Variants in NDUFS1 observed in about 807,000 individuals in gnomAD.
NDUFS1 encodes NADH:ubiquinone oxidoreductase core subunit S1.
NDUFS1 carries 61 observed loss-of-function variants against 84.4 expected under a neutral mutation model. The ratio of observed to expected loss-of-function variants is 0.72; its 90% CI spans 0.59 to 0.89. NDUFS1 has a LOEUF of 0.89. NDUFS1 is among the 40% of genes least tolerant of loss of function. The pLI, the probability that NDUFS1 is intolerant of heterozygous loss-of-function variation, is 0.00. For synonymous variants in NDUFS1, 275 were observed against 290.0 expected (o/e 0.95, Z 0.53); for missense variants, 891 against 890.0 (o/e 1.00, Z -0.01).
chr2:206,119,404 T>C lies in NDUFS1; in HGVS notation c.*4781A>G, dbSNP rs1015368203. The C allele has an allele frequency of 6.6e-6, 1 of 152,166 alleles. No homozygotes were observed. The highest frequency in any genetic ancestry group is 6.6e-5 in the Admixed American group (1 of 15,260). 9.4% of individuals were successfully genotyped at this position (152,166 alleles called of 1,614,324 possible). A position where few individuals can be genotyped will look rare whatever the true frequency, so the allele number is the denominator to read the frequency against. On this transcript the variant is annotated 3_prime_UTR_variant, in exon 19 of 19. Transcript: ENST00000233190. ...AATTGGTACTGGGTATTGTCAAATA[T>C]ATTTTTTAATTTTTACTTTTTTTCA... is the stretch of plus-strand genomic sequence containing the variant.
intron 1 of NDUFS1, among the ~76,000 whole-genome samples, chr2:206,154,880 C>CCCA (rs1373051799): frequency 6.6e-6 from 1 of 151,524 alleles, no homozygotes; most frequent in African/African-American, 2.4e-5. Context: ...ACCTTGACCT[C>CCCA]CCAAAGTGTT....
rs754174573 is a variant in NDUFS1, at chr2:206,118,410, G to C, written c.*5775C>G. On this transcript the variant is annotated 3_prime_UTR_variant, in exon 19 of 19. Coordinates refer to ENST00000233190, the MANE Select transcript of NDUFS1 (RefSeq NM_005006.7). ...GGAGGCTGAGGCAGGTGGATCACTT[G>C]AACTCAGGAGTTTAAGACCAGCCTG... 1.1e-4 allele frequency: 16 copies of C among 152,240 alleles called. No homozygotes were observed. The highest frequency in any genetic ancestry group is 3.9e-4 in the African/African-American group (16 of 41,426). 9.4% of individuals were successfully genotyped at this position (152,240 alleles called of 1,614,324 possible).
At position 206,115,927 on chromosome 2, in the gene NDUFS1, ATGTT is replaced by A; in HGVS notation, c.*8254_*8257del. 1.6e-6 allele frequency: 1 copy of A among 638,652 alleles called. No homozygotes were observed. The highest frequency in any genetic ancestry group is 2.9e-6 in the Non-Finnish European group (1 of 350,274). 39.6% of individuals were successfully genotyped at this position (638,652 alleles called of 1,614,324 possible). A position where few individuals can be genotyped will look rare whatever the true frequency, so the allele number is the denominator to read the frequency against. On this transcript the variant is annotated 3_prime_UTR_variant, in exon 19 of 19. Coordinates refer to ENST00000233190, the MANE Select transcript of NDUFS1 (RefSeq NM_005006.7). ...GGATGTTGTGAAAAAGACACATATT[ATGTT>A]TATCTACAATCATTAGAAAGTTAAA...
At chr2:206,130,350 T>C in intron 14 of NDUFS1, 108 bp from the exon 15 acceptor site, 4 of 1,333,750 alleles carry the variant, frequency 3.0e-6, no homozygotes, top group Non-Finnish European at 3.1e-6. Flanking sequence ...AAACCCATTT[T>C]ATTTTATTTT....
chr2:206,149,110 GAA>G lies in NDUFS1; in HGVS notation c.262-16_262-15del, dbSNP rs34184317. ...AGCAGCTACAACCTGGGATTTCAAT[GAA>G]AAAAAAAAATGTGTATTTGTATTTA... On this transcript the variant is annotated splice_polypyrimidine_tract_variant and intron_variant, in intron 4 of 18. Coordinates refer to ENST00000233190, the MANE Select transcript of NDUFS1 (RefSeq NM_005006.7). 4.3e-5 allele frequency: 57 copies of G among 1,311,054 alleles called. No homozygotes were observed. The highest frequency in any genetic ancestry group is 4.6e-5 in the African/African-American group (3 of 65,766). 81.2% of individuals were successfully genotyped at this position (1,311,054 alleles called of 1,614,324 possible). A position where few individuals can be genotyped will look rare whatever the true frequency, so the allele number is the denominator to read the frequency against.
chr2:206,139,279 G>A (rs1223273616), intron 12 of NDUFS1, among the ~76,000 whole-genome samples: 6 of 151,904 alleles, frequency 3.9e-5, no homozygotes, highest in East Asian at 1.9e-4. Flanking sequence ...TCCACCTCCC[G>A]GGTTCCAGCA....
rs572324848 is a variant in NDUFS1, at chr2:206,144,882, T to C, written c.872+10A>G. ...ACTGTAAAAGTTAAGGAAAACAATATAGCATATACCTGGTTTTATCAGAGA... is the reference window on the plus strand; with the variant it reads ...ACTGTAAAAGTTAAGGAAAACAATACAGCATATACCTGGTTTTATCAGAGA... On this transcript the variant is annotated intron_variant, in intron 9 of 18. Transcript: ENST00000233190. 8.1e-6 allele frequency: 13 copies of C among 1,612,972 alleles called. No homozygotes were observed. The highest frequency in any genetic ancestry group is 4.5e-5 in the East Asian group (2 of 44,854).
chr2:206,147,610 G>T lies in NDUFS1; in HGVS notation c.472C>A (p.Arg158Ser). The change falls in exon 7 of 19, where the codon CGT (arginine) becomes AGT (serine). Residue 158 changes from arginine (R) to serine (S), a missense_variant. By Grantham distance (110) the Arg-to-Ser change is moderately radical (BLOSUM62 -1). Transcript: ENST00000233190. ...NDRSRFLEGK[R>S]AVEDKNIGPL... ...CCAATGTTCTTGTCTTCCACAGCACGCTTCCCCTCTAAAAATCGGCTCCTA... is the reference window on the plus strand; with the variant it reads ...CCAATGTTCTTGTCTTCCACAGCACTCTTCCCCTCTAAAAATCGGCTCCTA... 6.2e-7 allele frequency: 1 copy of T among 1,614,082 alleles called. No individual in the cohort carries two copies. The highest frequency in any genetic ancestry group is 2.2e-5 in the East Asian group (1 of 44,874).
intron 1 of NDUFS1, among the ~76,000 whole-genome samples, chr2:206,158,734 G>C (rs1409081482): frequency 6.6e-6 from 1 of 152,218 alleles, no homozygotes; most frequent in Non-Finnish European, 1.5e-5. Flanking sequence ...TACAGTTCAA[G>C]CACTGGATCC....
rs1418201276 is a variant in NDUFS1 at position 206,115,042 on chromosome 2, GGATA to G, written c.*9139_*9142del. The G allele has an allele frequency of 6.6e-6, 1 of 152,124 alleles. No individual in the cohort carries two copies. The highest frequency in any genetic ancestry group is 1.5e-5 in the Non-Finnish European group (1 of 68,024). 9.4% of individuals were successfully genotyped at this position (152,124 alleles called of 1,614,324 possible). Reference sequence around the variant, plus strand: ...AATTTTTCAGCAGTTCCCTATTGATGGATATTTACATATTTTTGTTTTGTCTGAC... The same window carrying G: ...AATTTTTCAGCAGTTCCCTATTGATGTTTACATATTTTTGTTTTGTCTGAC... On this transcript the variant is annotated 3_prime_UTR_variant, in exon 19 of 19. Transcript: ENST00000233190.
chr2:206,116,383 A>T lies in NDUFS1; in HGVS notation c.*7802T>A. On this transcript the variant is annotated 3_prime_UTR_variant, in exon 19 of 19. Transcript: ENST00000233190. The stretch of plus-strand genomic sequence containing the variant: ...TCCCAACTTCAGGCAGATTACAGTA[A>T]CCAGACGGCGCCCATCCCAAGCTGC... The T allele has an allele frequency of 1.2e-6, 1 of 811,452 alleles. No individual in the cohort carries two copies. 50.3% of individuals were successfully genotyped at this position (811,452 alleles called of 1,614,324 possible). A position where few individuals can be genotyped will look rare whatever the true frequency, so the allele number is the denominator to read the frequency against.
At position 206,124,057 on chromosome 2, in the gene NDUFS1, T is replaced by C. The variant is rs1691186652; in HGVS notation, c.*128A>G. ...ATATCATTTTCAAATAGGCATAGTA[T>C]AACCTTAAATATTACATGATTCAAA... On this transcript the variant is annotated 3_prime_UTR_variant, in exon 19 of 19. Transcript: ENST00000233190. The C allele has an allele frequency of 1.4e-6, 1 of 704,660 alleles. No individual in the cohort carries two copies. The highest frequency in any genetic ancestry group is 1.8e-5 in the African/African-American group (1 of 55,858). 43.7% of individuals were successfully genotyped at this position (704,660 alleles called of 1,614,324 possible).
intron 15 of NDUFS1, among the ~76,000 whole-genome samples, chr2:206,129,255 A>G (rs1394326477): frequency 6.6e-6 from 1 of 152,114 alleles, no homozygotes; most frequent in Non-Finnish European, 1.5e-5. Context: ...ATTTTAGTTT[A>G]TTTTGTTTTT....
intron 1 of NDUFS1, among the ~76,000 whole-genome samples, chr2:206,157,305 C>T (rs555476317): frequency 4.6e-5 from 7 of 152,282 alleles, no homozygotes; most frequent in East Asian, 3.9e-4. Flanking sequence ...AGTACCAGTA[C>T]ACACTGTGTA....
rs373017923 is a variant in NDUFS1 at position 206,157,560 on chromosome 2, C to G, written c.-5+1781G>C. Reference sequence around the variant, plus strand: ...TAAACTTACTCCATTAGAGCACTGACAGATTTGAAATCAACAATCAGTATT... The same window carrying G: ...TAAACTTACTCCATTAGAGCACTGAGAGATTTGAAATCAACAATCAGTATT... On this transcript the variant is annotated intron_variant, in intron 1 of 18. Coordinates refer to ENST00000233190, the MANE Select transcript of NDUFS1 (RefSeq NM_005006.7). Among the ~76,000 whole-genome samples the G allele has an allele frequency of 7.2e-5, 11 of 152,296 alleles. No homozygotes were observed. In the South Asian group the frequency reaches 2.3e-3, roughly 32 times the overall value.
At position 206,126,700 on chromosome 2, in the gene NDUFS1, G is replaced by A. The variant is rs756276722; in HGVS notation, c.2019+10C>T. 23 of 1,613,944 alleles carry A rather than the reference G, an allele frequency of 1.4e-5. No individual in the cohort carries two copies. Among genetic ancestry groups the A allele is most frequent in the Middle Eastern group, 1.6e-4 (1 of 6,084 alleles). On this transcript the variant is annotated intron_variant, in intron 17 of 18. Transcript: ENST00000233190. Reference sequence around the variant, plus strand: ...AACATTATGAAAACTGCTCATAGGCGAGCTGTTACCTTTGAGAGCTCATTT... The same window carrying A: ...AACATTATGAAAACTGCTCATAGGCAAGCTGTTACCTTTGAGAGCTCATTT...
At chr2:206,124,313 A>G (rs776709790) in intron 18 of NDUFS1, 37 bp from the exon 19 acceptor site, 27 of 1,502,338 alleles carry the variant, frequency 1.8e-5, no homozygotes, top group Non-Finnish European at 2.4e-5. Context: ...TTGATAATAC[A>G]ACTTTTTAAA....
At chr2:206,150,230 T>G (rs1173502362) in intron 3 of NDUFS1, among the ~76,000 whole-genome samples, 1 of 152,200 alleles carries the variant, frequency 6.6e-6, no homozygotes, top group African/African-American at 2.4e-5. Flanking sequence ...TTTGAACCAT[T>G]GTCCACAATG....
At chr2:206,156,689 T>A (rs1423888074) in intron 1 of NDUFS1, among the ~76,000 whole-genome samples, 1 of 152,250 alleles carries the variant, frequency 6.6e-6, no homozygotes, top group Admixed American at 6.5e-5. Flanking sequence ...ACATAGGTTT[T>A]AAGCACAAAA....
Sources: allele counts gnomAD v4.1 joint callset (sites outside exome capture counted in the v4.1 genomes callset), GRCh38; gene constraint gnomAD v4.1.1; transcripts MANE v1.5; gene names NCBI Gene and HGNC (gene_info 2026-07-23, HGNC 2026-07-21).